Variants in MERTK observed in about 807,000 individuals in gnomAD.
MERTK encodes tyrosine-protein kinase Mer.
A neutral mutation model predicts 99.3 loss-of-function variants in MERTK; 69 were observed. That is an observed-to-expected ratio of 0.70 (90% CI 0.57 to 0.85). MERTK has a LOEUF of 0.85. Ranked by LOEUF, MERTK falls within the 40% of genes least tolerant of loss-of-function variation. MERTK has a pLI of 0.00. For missense variants in MERTK, 1,125 were observed against 1,249.4 expected (o/e 0.90, Z 1.50); for synonymous variants, 426 against 467.6 (o/e 0.91, Z 1.15).
At chr2:112,010,096 A>C (rs1236016387) in intron 15 of MERTK, 30 bp downstream of exon 15, 2 of 1,473,990 alleles carry the variant, frequency 1.4e-6, no homozygotes, top group South Asian at 1.1e-5. Flanking sequence ...ACCCCTGAAC[A>C]CTTCTCAGGG....
chr2:111,929,885 G>A (rs1356406134), intron 2 of MERTK, among the ~76,000 whole-genome samples: 6 of 152,118 alleles, frequency 3.9e-5, no homozygotes, highest in African/African-American at 1.4e-4. Context: ...ACAGGCATGA[G>A]CCACCTTGCC....
intron 4 of MERTK, among the ~76,000 whole-genome samples, chr2:111,964,415 ATG>A (rs1223212283): frequency 6.7e-6 from 1 of 149,192 alleles, no homozygotes; most frequent in East Asian, 2.0e-4. Flanking sequence ...GCGCACGCGC[ATG>A]TGTGTGTGTG....
intron 1 of MERTK, among the ~76,000 whole-genome samples, chr2:111,925,500 A>G (rs28402166): frequency 7.4e-4 from 111 of 150,982 alleles, no homozygotes; most frequent in African/African-American, 2.3e-3. Flanking sequence ...ACGGGGTTTC[A>G]CCATGTTGGC....
At chr2:111,938,741 T>A (rs553179159) in intron 2 of MERTK, among the ~76,000 whole-genome samples, 14 of 152,324 alleles carry the variant, frequency 9.2e-5, no homozygotes, top group African/African-American at 3.4e-4. Flanking sequence ...CCATTTTTTT[T>A]AAGCAGTGGT....
chr2:112,004,204 GC>G (rs1053824055), intron 13 of MERTK, among the ~76,000 whole-genome samples: 4 of 152,044 alleles, frequency 2.6e-5, no homozygotes, highest in African/African-American at 9.7e-5. Flanking sequence ...ACTAACTCCT[GC>G]ATGCCTATGC....
intron 4 of MERTK, among the ~76,000 whole-genome samples, chr2:111,961,681 A>G (rs1182906004): frequency 6.6e-6 from 1 of 152,070 alleles, no homozygotes; most frequent in African/African-American, 2.4e-5. Context: ...TAGTCAGGGA[A>G]ACGCAGACAC....
intron 7 of MERTK, among the ~76,000 whole-genome samples, chr2:111,980,759 C>G (rs1252621614): frequency 6.6e-6 from 1 of 152,166 alleles, no homozygotes; most frequent in East Asian, 1.9e-4. Flanking sequence ...ATCATTCTTT[C>G]CAGTTTTAGT....
chr2:111,925,914 G>C, intron 1 of MERTK, among the ~76,000 whole-genome samples: 1 of 150,444 alleles, frequency 6.6e-6, no homozygotes, highest in East Asian at 2.0e-4. Context: ...CTCACTGCAA[G>C]CTCCGCCTCC....
At position 112,028,696 on chromosome 2, in the gene MERTK, C is replaced by T. The variant is rs771818498; in HGVS notation, c.2832C>T (p.Ala944=). The part of the protein sequence containing the change: ...GSEEWEDLTS[A]PSAAVTAEKN... The stretch of plus-strand genomic sequence containing the variant: ...AGGAATGGGAAGATCTGACTTCTGC[C>T]CCCTCTGCTGCAGTCACAGCTGAAA... Residue 944 remains alanine, a synonymous_variant, in exon 19 of 19, where the codon GCC becomes GCT. Coordinates refer to ENST00000295408, the MANE Select transcript of MERTK (RefSeq NM_006343.3). The T allele has an allele frequency of 1.9e-6, 3 of 1,614,154 alleles. No homozygotes were observed. Among genetic ancestry groups the T allele is most frequent in the South Asian group, 2.2e-5 (2 of 91,082 alleles).
chr2:111,944,498 A>G (rs199504564), intron 2 of MERTK, among the ~76,000 whole-genome samples: 1 of 1,802 alleles, frequency 5.5e-4, no homozygotes. Context: ...CTAAATTATG[A>G]ATTCCTTAAA....
intron 7 of MERTK, among the ~76,000 whole-genome samples, chr2:111,975,746 A>G (rs991804164): frequency 3.3e-5 from 5 of 152,194 alleles, no homozygotes; most frequent in Admixed American, 3.3e-4. Flanking sequence ...CTCTCACAAC[A>G]CAACAATCAA....
chr2:111,908,593 C>T (rs1684183792), intron 1 of MERTK, among the ~76,000 whole-genome samples: 1 of 152,124 alleles, frequency 6.6e-6, no homozygotes, highest in Admixed American at 6.5e-5. Context: ...TGTTGTTTTG[C>T]ACCATGTCAG....
In MERTK at chr2:111,945,132, A is replaced by G. The variant is rs1684942008; in HGVS notation, c.583+72A>G. On this transcript the variant is annotated intron_variant, in intron 3 of 18. Transcript: ENST00000295408. ...AGGGCCTGTGTTAAATGTTTTGTGT[A>G]TAATACTCTAGAGTTTTGCCTGCCT... is the stretch of plus-strand genomic sequence containing the variant. 2.5e-6 allele frequency: 3 copies of G among 1,210,370 alleles called. No homozygotes were observed. The African/African-American group carries it at 4.5e-5, about 18-fold the overall frequency. The allele number at this position is 1,210,370 out of a possible 1,614,324, so 75.0% of individuals were successfully genotyped here. A position where few individuals can be genotyped will look rare whatever the true frequency, so the allele number is the denominator to read the frequency against.
rs146515348 is a variant in MERTK, at chr2:111,926,420, T to C, written c.62-2700T>C. The stretch of plus-strand genomic sequence containing the variant: ...CCACCCAAGTGGCAAAGGTGAATTG[T>C]CAAGGCTTCAAAGTACATGAATAAA... On this transcript the variant is annotated intron_variant, in intron 1 of 18. Coordinates refer to ENST00000295408, the MANE Select transcript of MERTK (RefSeq NM_006343.3). Among the ~76,000 whole-genome samples, 977 of 152,196 alleles carry C rather than the reference T, an allele frequency of 6.4e-3. 14 individuals carry two copies. Among genetic ancestry groups the C allele is most frequent in the African/African-American group, 0.023 (943 of 41,526 alleles).
Position 111,943,630 on chromosome 2 carries a change from T to G in MERTK, c.483-1330T>G, listed in dbSNP as rs527251103. Among the ~76,000 whole-genome samples, 52 of 152,272 alleles carry G rather than the reference T, an allele frequency of 3.4e-4. 1 individual carries two copies. Among genetic ancestry groups the G allele is most frequent in the Non-Finnish European group, 1.9e-4 (13 of 68,022 alleles). On this transcript the variant is annotated intron_variant, in intron 2 of 18. Transcript: ENST00000295408. ...CATTAAGTACCCAGGGACTTGCACC[T>G]TAGGTGCACCTTCAAGCACTTGACC...
chr2:111,947,895 C>G (rs182802747), intron 4 of MERTK, among the ~76,000 whole-genome samples: 4 of 152,084 alleles, frequency 2.6e-5, no homozygotes, highest in Non-Finnish European at 5.9e-5. Context: ...TCAGGTCTTG[C>G]GTTTATGGAA....
chr2:111,932,482 T>C (rs973843109), intron 2 of MERTK, among the ~76,000 whole-genome samples: 1 of 152,188 alleles, frequency 6.6e-6, no homozygotes, highest in African/African-American at 2.4e-5. Flanking sequence ...TGCCTGGCCA[T>C]GATGAGCATT....
In MERTK at chr2:112,010,026, A is replaced by C. The variant is rs749028235; in HGVS notation, c.2039A>C (p.His680Pro). The C allele has an allele frequency of 2.5e-6, 4 of 1,613,866 alleles. No individual in the cohort carries two copies. Among genetic ancestry groups the C allele is most frequent in the Non-Finnish European group, 3.4e-6 (4 of 1,179,770 alleles). Reference sequence around the variant, plus strand: ...CCCTTCATGAAATACGGGGACCTGCATACTTACTTACTTTATTCCCGATTG... The same window carrying C: ...CCCTTCATGAAATACGGGGACCTGCCTACTTACTTACTTTATTCCCGATTG... ...ILPFMKYGDL[H>P]TYLLYSRLET... Residue 680 changes from histidine (H) to proline (P), a missense_variant, in exon 15 of 19, where the codon CAT becomes CCT. By Grantham distance (77) the His-to-Pro change is moderately conservative. Transcript: ENST00000295408.
At chr2:111,983,044 T>C in intron 8 of MERTK, 51 bp downstream of exon 8, 1 of 1,609,236 alleles carries the variant, frequency 6.2e-7, no homozygotes, top group East Asian at 2.2e-5. Flanking sequence ...TTCAACTTGC[T>C]GGTTTACTTC....
Sources: allele counts gnomAD v4.1 joint callset (sites outside exome capture counted in the v4.1 genomes callset), GRCh38; gene constraint gnomAD v4.1.1; transcripts MANE v1.5; gene names NCBI Gene and HGNC (gene_info 2026-07-23, HGNC 2026-07-21).